FABP7: variants seen among roughly 807,000 people sequenced by gnomAD.
The protein encoded by FABP7 is fatty acid binding protein 7.
FABP7 carries 13 observed loss-of-function variants against 14.2 expected under a neutral mutation model. That is an observed-to-expected ratio of 0.91 (90% CI 0.59 to 1.45). FABP7 has a LOEUF of 1.45. Among genes scored for constraint, FABP7 ranks in the 40% most tolerant of loss-of-function variants. The probability of loss-of-function intolerance (pLI) is 0.00; values close to 1 mark genes in which losing one functional copy is unlikely to be tolerated. For missense variants in FABP7, 149 were observed against 157.6 expected, an observed-to-expected ratio of 0.95 and a Z score of 0.29; for synonymous variants, 49 against 51.4, an observed-to-expected ratio of 0.95 and a Z score of 0.20.
At chr6:122,773,448 T>C in the FABP7 span, among the ~76,000 whole-genome samples, 1 of 152,208 alleles carries the variant, frequency 6.6e-6, no homozygotes, top group Non-Finnish European at 1.5e-5. Flanking sequence ...CTGTCACCTG[T>C]AAATTCTTTT....
intron 2 of FABP7, 66 bp downstream of exon 2, chr6:122,780,529 G>A (rs1780758909): frequency 6.7e-7 from 1 of 1,488,856 alleles, no homozygotes; most frequent in South Asian, 1.2e-5. Flanking sequence ...GATTTCCAAT[G>A]CATGTTTTTT....
the FABP7 span, among the ~76,000 whole-genome samples, chr6:122,755,109 C>CCT: frequency 6.6e-6 from 1 of 151,806 alleles, no homozygotes. Flanking sequence ...TTCCCTGTGT[C>CCT]CTCTCTCTCT....
At chr6:122,757,148 AG>A in the FABP7 span, among the ~76,000 whole-genome samples, 2 of 152,206 alleles carry the variant, frequency 1.3e-5, no homozygotes, top group African/African-American at 4.8e-5. Context: ...TATATTCAAA[AG>A]TCTACCGTCT....
upstream of FABP7, among the ~76,000 whole-genome samples, chr6:122,775,012 C>T (rs1025440495): frequency 4.6e-5 from 7 of 150,610 alleles, no homozygotes; most frequent in African/African-American, 1.7e-4. Flanking sequence ...TGAAAAAAAA[C>T]ACACAAAAAG....
In FABP7 at chr6:122,780,403, G is replaced by C; in HGVS notation, c.186G>C (p.Glu62Asp). Residue 62 changes from glutamate (E) to aspartate (D), a missense_variant, in exon 2 of 4, where the codon GAG becomes GAC. Coordinates refer to ENST00000368444, the MANE Select transcript of FABP7 (RefSeq NM_001446.5). Reference sequence around the variant, plus strand: ...CTCTCAGCACATTCAAGAACACGGAGATTAGTTTCCAGCTGGGAGAAGAGT... The same window carrying C: ...CTCTCAGCACATTCAAGAACACGGACATTAGTTTCCAGCTGGGAGAAGAGT... Reference protein sequence around the residue: ...IRTLSTFKNTEISFQLGEEFD... With the variant: ...IRTLSTFKNTDISFQLGEEFD... 1 of 1,614,086 alleles carries C rather than the reference G, an allele frequency of 6.2e-7. No individual in the cohort carries two copies. Among genetic ancestry groups the C allele is most frequent in the Non-Finnish European group, 8.5e-7 (1 of 1,180,024 alleles).
At chr6:122,771,472 A>G in the FABP7 span, among the ~76,000 whole-genome samples, 14 of 152,196 alleles carry the variant, frequency 9.2e-5, no homozygotes, top group Non-Finnish European at 1.5e-4. Flanking sequence ...AAGGAATATA[A>G]GAACAAAAAG....
chr6:122,778,908 T>C (rs1232362599), upstream of FABP7, among the ~76,000 whole-genome samples: 2 of 152,232 alleles, frequency 1.3e-5, no homozygotes, highest in East Asian at 3.9e-4. Context: ...ACATGGGTTC[T>C]ATAATCTATT....
At chr6:122,762,018 G>A in the FABP7 span, among the ~76,000 whole-genome samples, 1 of 152,084 alleles carries the variant, frequency 6.6e-6, no homozygotes, top group Non-Finnish European at 1.5e-5. Flanking sequence ...GAAAAAGAGG[G>A]AATCCTCCCT....
upstream of FABP7, chr6:122,779,711 G>A (rs904936627): frequency 3.8e-6 from 5 of 1,308,182 alleles, no homozygotes; most frequent in African/African-American, 2.9e-5. Flanking sequence ...GCTGCTTGCT[G>A]AGGTGTAAAG....
the FABP7 span, among the ~76,000 whole-genome samples, chr6:122,772,099 G>A: frequency 6.6e-6 from 1 of 152,128 alleles, no homozygotes; most frequent in African/African-American, 2.4e-5. Flanking sequence ...ACATAACCAT[G>A]GGGTTTTGAC....
chr6:122,763,338 G>T, the FABP7 span, among the ~76,000 whole-genome samples: 1 of 152,206 alleles, frequency 6.6e-6, no homozygotes, highest in African/African-American at 2.4e-5. Context: ...CTAGCCATAT[G>T]TAGAAAGCTG....
the FABP7 span, among the ~76,000 whole-genome samples, chr6:122,772,925 A>G: frequency 1.3e-5 from 2 of 152,196 alleles, no homozygotes; most frequent in South Asian, 4.1e-4. Context: ...GGTAGGCATG[A>G]TAAAATGTGT....
At chr6:122,777,433 A>G (rs998908819), upstream of FABP7, among the ~76,000 whole-genome samples, 5 of 152,168 alleles carry the variant, frequency 3.3e-5, no homozygotes, top group African/African-American at 1.2e-4. Context: ...ATTCCTGGCC[A>G]TAAAAGGAAG....
At chr6:122,756,680 T>G in the FABP7 span, among the ~76,000 whole-genome samples, 1 of 152,184 alleles carries the variant, frequency 6.6e-6, no homozygotes. Flanking sequence ...GTTTGTCTCT[T>G]CTTAGTTTCT....
chr6:122,766,579 C>G, the FABP7 span, among the ~76,000 whole-genome samples: 1 of 151,880 alleles, frequency 6.6e-6, no homozygotes, highest in African/African-American at 2.4e-5. Context: ...AGCATATAAC[C>G]CACCAGCATA....
the FABP7 span, among the ~76,000 whole-genome samples, chr6:122,760,138 A>T: frequency 6.6e-6 from 1 of 152,132 alleles, no homozygotes; most frequent in African/African-American, 2.4e-5. Flanking sequence ...CCATAATTGT[A>T]CCTATTTAAA....
the FABP7 span, among the ~76,000 whole-genome samples, chr6:122,770,587 A>G: frequency 6.6e-6 from 1 of 152,164 alleles, no homozygotes; most frequent in South Asian, 2.1e-4. Flanking sequence ...TAAATGTATT[A>G]CATACATAGG....
At chr6:122,774,656 G>T in the FABP7 span, among the ~76,000 whole-genome samples, 1 of 151,870 alleles carries the variant, frequency 6.6e-6, no homozygotes, top group East Asian at 1.9e-4. Context: ...GTCCTAGCCA[G>T]GGCAATTAGA....
chr6:122,768,813 C>T, the FABP7 span, among the ~76,000 whole-genome samples: 1 of 151,942 alleles, frequency 6.6e-6, no homozygotes, highest in Admixed American at 6.6e-5. Context: ...GCAATTAGTA[C>T]TGAGGTCATG....
Sources: gnomAD v4.1 joint callset for allele counts (sites outside exome capture counted in the v4.1 genomes callset) on GRCh38, gnomAD v4.1.1 for gene constraint, MANE v1.5 for transcripts, NCBI Gene and HGNC (gene_info 2026-07-23, HGNC 2026-07-21) for gene names.